Variants in PCLO observed in about 807,000 individuals in gnomAD.
PCLO encodes the protein piccolo presynaptic cytomatrix protein.
A neutral mutation model predicts 427.5 loss-of-function variants in PCLO; 82 were observed. That is an observed-to-expected ratio of 0.19 (90% confidence interval 0.16 to 0.23). The LOEUF (loss-of-function observed/expected upper bound fraction) is 0.23, where lower values mean the gene tolerates loss of function less well. Among genes scored for constraint, PCLO ranks in the 10% least tolerant of loss-of-function variants. PCLO has a pLI of 1.00. For synonymous variants in PCLO, 2,357 were observed against 2,155.4 expected (o/e 1.09, Z -2.59); for missense variants, 6,239 against 6,115.9 (o/e 1.02, Z -0.67).
intron 3 of PCLO, among the ~76,000 whole-genome samples, chr7:83,111,774 A>T (rs1460039754): frequency 6.6e-6 from 1 of 152,206 alleles, no homozygotes; most frequent in Non-Finnish European, 1.5e-5. Context: ...ATTTGTGGCA[A>T]CTTGTTACAT....
chr7:82,799,419 A>C (rs1420596771), intron 22 of PCLO, among the ~76,000 whole-genome samples: 1 of 152,230 alleles, frequency 6.6e-6, no homozygotes, highest in Non-Finnish European at 1.5e-5. Context: ...ACAATGATAA[A>C]ATATGCAAAT....
intron 22 of PCLO, among the ~76,000 whole-genome samples, chr7:82,786,034 T>C (rs1364788493): frequency 1.3e-5 from 2 of 152,164 alleles, no homozygotes; most frequent in Non-Finnish European, 2.9e-5. Flanking sequence ...AAGATGATGA[T>C]AATTCATCTT....
chr7:83,034,951 G>A (rs1056720315), intron 3 of PCLO, among the ~76,000 whole-genome samples: 12 of 152,148 alleles, frequency 7.9e-5, no homozygotes, highest in African/African-American at 2.9e-4. Context: ...TGAGGATAAC[G>A]CTCCAACTGG....
At chr7:83,041,411 C>G (rs936318201) in intron 3 of PCLO, among the ~76,000 whole-genome samples, 5 of 152,076 alleles carry the variant, frequency 3.3e-5, no homozygotes, top group African/African-American at 7.2e-5. Flanking sequence ...ACAGTATAGA[C>G]TATTTCTTAG....
rs1426237793 is a variant in PCLO at position 82,955,905 on chromosome 7, T to C, written c.5048A>G (p.Glu1683Gly). The C allele has an allele frequency of 1.2e-6, 2 of 1,613,994 alleles. No individual in the cohort carries two copies. The highest frequency in any genetic ancestry group is 1.7e-6 in the Non-Finnish European group (2 of 1,179,872). The change falls in exon 5 of 25, where the codon GAG becomes GGG. Residue 1683 changes from glutamate (E) to glycine (G), a missense_variant. Glu to Gly is a moderately conservative substitution (Grantham distance 98). Transcript: ENST00000333891. Reference sequence around the variant, plus strand: ...CAAACTTGTTTTTTTCTGTGATGACTCTGCAGAATATTTATCTGCTATTGT... The same window carrying C: ...CAAACTTGTTTTTTTCTGTGATGACCCTGCAGAATATTTATCTGCTATTGT... ...NSTIADKYSA[E>G]SSQKKTSLYF...
intron 9 of PCLO, among the ~76,000 whole-genome samples, chr7:82,894,241 A>T (rs546778047): frequency 6.6e-6 from 1 of 152,230 alleles, no homozygotes; most frequent in African/African-American, 2.4e-5. Flanking sequence ...GCATTCTGGA[A>T]ATTAAACAAA....
chr7:83,023,816 A>G (rs984909473), intron 3 of PCLO, among the ~76,000 whole-genome samples: 1 of 152,198 alleles, frequency 6.6e-6, no homozygotes, highest in Non-Finnish European at 1.5e-5. Context: ...ATAACTCTCT[A>G]AATTATTAAT....
intron 4 of PCLO, 60 bp from the exon 5 acceptor site, chr7:82,956,995 C>T (rs1363778393): frequency 5.5e-6 from 8 of 1,443,256 alleles, no homozygotes; most frequent in Non-Finnish European, 6.4e-6. Context: ...AACATGGCCT[C>T]TCCATTACTA....
intron 3 of PCLO, among the ~76,000 whole-genome samples, chr7:82,983,156 G>C (rs1796184239): frequency 2.6e-5 from 4 of 151,140 alleles, no homozygotes; most frequent in African/African-American, 7.3e-5. Flanking sequence ...TATTCACATT[G>C]AGTACAAAAA....
chr7:82,856,632 T>A (rs1197590385), intron 10 of PCLO, among the ~76,000 whole-genome samples: 1 of 152,164 alleles, frequency 6.6e-6, no homozygotes, highest in African/African-American at 2.4e-5. Context: ...AATAGATATG[T>A]AATGTCATCA....
intron 3 of PCLO, among the ~76,000 whole-genome samples, chr7:83,088,321 A>G (rs62458613): frequency 0.022 from 3,278 of 152,342 alleles, 45 homozygotes; most frequent in Middle Eastern, 0.041. Flanking sequence ...AAGGCTTTGC[A>G]TCCCTGGGGA....
chr7:82,823,160 CT>C (rs1232305050), intron 19 of PCLO, among the ~76,000 whole-genome samples: 1 of 152,046 alleles, frequency 6.6e-6, no homozygotes, highest in African/African-American at 2.4e-5. Flanking sequence ...AGAAAGAGAT[CT>C]TTATACTAAT....
intron 3 of PCLO, among the ~76,000 whole-genome samples, chr7:83,118,030 A>G (rs1791177565): frequency 6.6e-6 from 1 of 152,238 alleles, no homozygotes; most frequent in Non-Finnish European, 1.5e-5. Context: ...AATTTATTAC[A>G]TGATAAAGGT....
intron 9 of PCLO, among the ~76,000 whole-genome samples, chr7:82,885,886 G>A (rs1424302739): frequency 3.3e-5 from 5 of 152,132 alleles, no homozygotes; most frequent in African/African-American, 1.2e-4. Context: ...GAAAGCAAGA[G>A]TGAAGCCCAT....
In PCLO at chr7:82,824,278, T is replaced by C. The variant is rs1398315708; in HGVS notation, c.14554A>G (p.Ile4852Val). 11 of 1,613,354 alleles carry C rather than the reference T, an allele frequency of 6.8e-6. No individual in the cohort carries two copies. The highest frequency in any genetic ancestry group is 8.5e-6 in the Non-Finnish European group (10 of 1,179,670). The change falls in exon 19 of 25, where the codon ATC becomes GTC. Residue 4852 changes from isoleucine (I) to valine (V), a missense_variant. Ile to Val is a conservative substitution (Grantham distance 29). This residue lies in a region of PCLO where 877 missense variants were observed against 925.5 expected (regional missense o/e 0.95). Transcript: ENST00000333891. ...AAGATACCATGGCTTCTGCTTTTGA[T>C]AACAGATGGCTTTGGGGACTGCTGG... ...SSQQSPKPSV[I>V]KSRSHGIFPD... is the part of the protein sequence containing the mutation.
intron 3 of PCLO, among the ~76,000 whole-genome samples, chr7:83,039,265 GC>G (rs1788911449): frequency 6.6e-6 from 1 of 151,840 alleles, no homozygotes; most frequent in African/African-American, 2.4e-5. Flanking sequence ...TACTTTTGGG[GC>G]CAGATCTATG....
At chr7:83,057,969 C>T (rs148623897) in intron 3 of PCLO, among the ~76,000 whole-genome samples, 2 of 152,138 alleles carry the variant, frequency 1.3e-5, no homozygotes, top group Admixed American at 6.5e-5. Flanking sequence ...CAGGATGGGA[C>T]AAAATGTATG....
At chr7:82,888,960 AC>A (rs1793692914) in intron 9 of PCLO, among the ~76,000 whole-genome samples, 1 of 37,414 alleles carries the variant, frequency 2.7e-5, no homozygotes, top group Admixed American at 2.5e-4. Context: ...CCCCTGCCCC[AC>A]CCCCGCCAAC....
intron 20 of PCLO, among the ~76,000 whole-genome samples, chr7:82,808,433 A>C (rs1791502524): frequency 6.6e-6 from 1 of 151,908 alleles, no homozygotes; most frequent in Admixed American, 6.6e-5. Context: ...GGAAAAGTTG[A>C]GAAATGTGTA....
Sources: allele counts gnomAD v4.1 joint callset (sites outside exome capture counted in the v4.1 genomes callset), GRCh38; gene constraint gnomAD v4.1.1; regional missense constraint gnomAD v4.1.1; transcripts MANE v1.5; gene names NCBI Gene and HGNC (gene_info 2026-07-23, HGNC 2026-07-21).